The following HELLS variants were observed in gnomAD, a reference collection of about 807,000 sequenced individuals.
HELLS encodes the protein lymphoid-specific helicase.
HELLS carries 32 observed loss-of-function variants against 120.0 expected under a neutral mutation model. The ratio of observed to expected loss-of-function variants is 0.27; its 90% CI spans 0.20 to 0.36. The LOEUF (loss-of-function observed/expected upper bound fraction) is 0.36, where lower values mean the gene tolerates loss of function less well. Ranked by LOEUF, HELLS falls within the 10% of genes least tolerant of loss-of-function variation. The pLI, the probability that HELLS is intolerant of heterozygous loss-of-function variation, is 1.00. For missense variants in HELLS, 650 were observed against 993.4 expected (o/e 0.65, Z 4.65); for synonymous variants, 341 against 323.4 (o/e 1.05, Z -0.58).
At chr10:94,608,925 C>T (rs899519810) in intron 9 of HELLS, among the ~76,000 whole-genome samples, 17 of 151,882 alleles carry the variant, frequency 1.1e-4, no homozygotes, top group African/African-American at 3.9e-4. Context: ...CATAAGCTAC[C>T]GCACCCAGCC....
intron 12 of HELLS, among the ~76,000 whole-genome samples, chr10:94,587,044 G>A (rs1013311703): frequency 1.3e-5 from 2 of 151,932 alleles, no homozygotes; most frequent in African/African-American, 4.8e-5. Context: ...TTAGTGACCC[G>A]AATATTTTAA....
chr10:94,584,094 C>T (rs1845006295), intron 12 of HELLS: 1 of 1,392,156 alleles, frequency 7.2e-7, no homozygotes, highest in East Asian at 2.7e-5. Context: ...TATGAAAATA[C>T]TTATTTACTC....
chr10:94,545,958 T>C lies in HELLS; in HGVS notation c.31+6T>C. Reference sequence around the variant, plus strand: ...ACGGCCCGCGGGCAGCGGCGGTGAGTGAGGAAAACCTTTTGGGCGCGGGTG... The same window carrying C: ...ACGGCCCGCGGGCAGCGGCGGTGAGCGAGGAAAACCTTTTGGGCGCGGGTG... On this transcript the variant is annotated splice_donor_region_variant and intron_variant, in intron 1 of 21. Coordinates refer to ENST00000348459, the MANE Select transcript of HELLS (RefSeq NM_018063.5). The C allele has an allele frequency of 3.2e-6, 5 of 1,555,166 alleles. No individual in the cohort carries two copies. The highest frequency in any genetic ancestry group is 4.4e-6 in the Non-Finnish European group (5 of 1,148,900).
intron 10 of HELLS, chr10:94,577,336 T>C (rs1027457021): frequency 8.4e-6 from 2 of 237,980 alleles, no homozygotes; most frequent in African/African-American, 2.3e-5. Flanking sequence ...TCCTCACTGC[T>C]CTACCTCATT....
intron 6 of HELLS, among the ~76,000 whole-genome samples, chr10:94,568,197 C>T (rs1055235809): frequency 1.3e-4 from 19 of 149,208 alleles, no homozygotes; most frequent in Non-Finnish European, 2.4e-4. Flanking sequence ...CGTGAGCCAC[C>T]GCGCCTGGCC....
intron 13 of HELLS, among the ~76,000 whole-genome samples, chr10:94,589,854 T>C (rs1433661371): frequency 1.3e-5 from 2 of 151,930 alleles, no homozygotes; most frequent in Non-Finnish European, 2.9e-5. Context: ...GCTTGGCTAA[T>C]TTTTTCTATT....
At chr10:94,595,120 C>T (rs572277925) in intron 19 of HELLS, among the ~76,000 whole-genome samples, 1 of 152,008 alleles carries the variant, frequency 6.6e-6, no homozygotes, top group African/African-American at 2.4e-5. Flanking sequence ...CCCAGCTACT[C>T]AGGAAGCTGA....
chr10:94,574,506 T>A, intron 8 of HELLS, 48 bp from the exon 9 acceptor site: 1 of 1,312,128 alleles, frequency 7.6e-7, no homozygotes, highest in Non-Finnish European at 1.1e-6. Flanking sequence ...TGTAATCCTG[T>A]AGTTGTTTAT....
downstream of HELLS, among the ~76,000 whole-genome samples, chr10:94,605,077 C>A (rs956584685): frequency 1.6e-5 from 2 of 124,854 alleles, no homozygotes; most frequent in African/African-American, 6.2e-5. Context: ...GTGTCTCCCC[C>A]CCCCCCCCTT....
intron 3 of HELLS, among the ~76,000 whole-genome samples, chr10:94,555,258 G>A (rs890254028): frequency 6.6e-6 from 1 of 152,082 alleles, no homozygotes; most frequent in African/African-American, 2.4e-5. Flanking sequence ...GTAACATAGT[G>A]AAAACCCGTC....
At chr10:94,561,147 A>G (rs1027739489) in intron 4 of HELLS, among the ~76,000 whole-genome samples, 1 of 150,830 alleles carries the variant, frequency 6.6e-6, no homozygotes, top group African/African-American at 2.4e-5. Flanking sequence ...TCAGATTTTT[A>G]TTTTCATAGA....
intron 2 of HELLS, among the ~76,000 whole-genome samples, chr10:94,547,485 CCT>C (rs1174509304): frequency 1.3e-5 from 2 of 152,194 alleles, no homozygotes. Flanking sequence ...CCGTTGGTTC[CCT>C]GTTATGTCAA....
chr10:94,604,663 C>G (rs1235617064), downstream of HELLS, among the ~76,000 whole-genome samples: 3 of 152,102 alleles, frequency 2.0e-5, no homozygotes, highest in African/African-American at 7.2e-5. Flanking sequence ...TCCCTTACAT[C>G]TTTTTAGTGT....
rs1033415249 is a variant in HELLS at position 94,573,696 on chromosome 10, T to G, written c.478-264T>G. Among the ~76,000 whole-genome samples, 5 of 152,210 alleles carry G rather than the reference T, an allele frequency of 3.3e-5. No individual in the cohort carries two copies. The East Asian group carries it at 9.7e-4, about 29-fold the overall frequency. ...CCAGGGTTGTCTTGGATACCTGGAC[T>G]CAGGTGATCCTCCTGCCTCAGCTTC... is the stretch of plus-strand genomic sequence containing the variant. On this transcript the variant is annotated intron_variant, in intron 7 of 21. Transcript: ENST00000348459.
At position 94,546,524 on chromosome 10, in the gene HELLS, C is replaced by T. The variant is rs768262347; in HGVS notation, c.153+26C>T. 12 of 1,613,330 alleles carry T rather than the reference C, an allele frequency of 7.4e-6. No individual in the cohort carries two copies. The East Asian group carries it at 2.2e-4, about 30-fold the overall frequency. Reference sequence around the variant, plus strand: ...GTAATTTAGGCATCAGGTTCGTCGTCGTGAAAGCCTGTGGTAACCTCGGCT... The same window carrying T: ...GTAATTTAGGCATCAGGTTCGTCGTTGTGAAAGCCTGTGGTAACCTCGGCT... On this transcript the variant is annotated intron_variant, in intron 2 of 21. Coordinates refer to ENST00000348459, the MANE Select transcript of HELLS (RefSeq NM_018063.5).
intron 7 of HELLS, among the ~76,000 whole-genome samples, chr10:94,573,273 G>A (rs1360347251): frequency 2.0e-5 from 3 of 151,934 alleles, no homozygotes; most frequent in African/African-American, 7.3e-5. Flanking sequence ...GTTTTCTTTT[G>A]TAAAGTATCT....
intron 10 of HELLS, chr10:94,577,625 A>C (rs1245670276): frequency 6.6e-6 from 1 of 152,444 alleles, no homozygotes; most frequent in Non-Finnish European, 1.5e-5. Context: ...TGTGTACAGC[A>C]TTAAAAAGTA....
chr10:94,596,875 G>T lies in HELLS; in HGVS notation c.2264G>T (p.Gly755Val). 1.4e-6 allele frequency: 2 copies of T among 1,477,388 alleles called. No individual in the cohort carries two copies. Among genetic ancestry groups the T allele is most frequent in the Non-Finnish European group, 1.9e-6 (2 of 1,060,112 alleles). 91.5% of individuals were successfully genotyped at this position (1,477,388 alleles called of 1,614,324 possible). A position where few individuals can be genotyped will look rare whatever the true frequency, so the allele number is the denominator to read the frequency against. Reference sequence around the variant, plus strand: ...TTTTTTTTAGATCATTTCAAAGGTGGTCAGTCTGGATTAAATCTGTCTAAG... The same window carrying T: ...TTTTTTTTAGATCATTTCAAAGGTGTTCAGTCTGGATTAAATCTGTCTAAG... ...LIIHKNHFKG[G>V]QSGLNLSKNF... Residue 755 changes from glycine (G) to valine (V), a missense_variant, in exon 20 of 22, where the codon GGT becomes GTT. Around this residue, in one of 9 missense-constraint regions of HELLS, gnomAD observed 90 missense variants for 109.2 expected, o/e 0.82. Coordinates refer to ENST00000348459, the MANE Select transcript of HELLS (RefSeq NM_018063.5).
intron 9 of HELLS, among the ~76,000 whole-genome samples, chr10:94,575,827 C>T (rs2134059532): frequency 6.7e-6 from 1 of 148,214 alleles, no homozygotes; most frequent in East Asian, 2.0e-4. Flanking sequence ...GACAGAGTTT[C>T]ACTGTTGTTG....
Sources: allele counts gnomAD v4.1 joint callset (sites outside exome capture counted in the v4.1 genomes callset), GRCh38; gene constraint gnomAD v4.1.1; regional missense constraint gnomAD v4.1.1; transcripts MANE v1.5; gene names NCBI Gene and HGNC (gene_info 2026-07-23, HGNC 2026-07-21).